The following LRRTM4 variants were observed in gnomAD, a reference collection of about 807,000 sequenced individuals.
The protein encoded by LRRTM4 is leucine rich repeat transmembrane neuronal 4, also known as leucine-rich repeat transmembrane neuronal protein 4.
LRRTM4 carries 25 observed loss-of-function variants against 47.6 expected under a neutral mutation model. That is an observed-to-expected ratio of 0.53 (90% CI 0.38 to 0.73). The LOEUF is 0.73. LRRTM4 is among the 30% of genes least tolerant of loss of function. LRRTM4 has a pLI of 0.00. For missense variants in LRRTM4, 638 were observed against 713.4 expected, an observed-to-expected ratio of 0.89 and a Z score of 1.20; for synonymous variants, 311 against 269.5, an observed-to-expected ratio of 1.15 and a Z score of -1.51.
In LRRTM4 at chr2:77,039,794, C is replaced by A. The variant is rs369129102; in HGVS notation, c.1552-290878G>T. Among the ~76,000 whole-genome samples, 9 of 150,480 alleles carry A rather than the reference C, an allele frequency of 6.0e-5. No homozygotes were observed. In the South Asian group the frequency reaches 1.7e-3, roughly 28 times the overall value. The stretch of plus-strand genomic sequence containing the variant: ...TTTTGTCTTTTTCTTTATATAAAAC[C>A]AAAAATGATTAACAAAATAATTAGG... On this transcript the variant is annotated intron_variant, in intron 3 of 3. Transcript: ENST00000409884.
At chr2:77,135,738 C>T (rs148141821) in intron 3 of LRRTM4, among the ~76,000 whole-genome samples, 15 of 152,146 alleles carry the variant, frequency 9.9e-5, no homozygotes, top group African/African-American at 2.6e-4. Flanking sequence ...TATTTTGAAA[C>T]ATTGACTTTG....
chr2:76,983,028 G>A (rs1164919183), intron 3 of LRRTM4, among the ~76,000 whole-genome samples: 2 of 151,362 alleles, frequency 1.3e-5, no homozygotes, highest in Admixed American at 6.7e-5. Context: ...ATTAAATAAA[G>A]ACACATATTA....
chr2:76,915,792 TATAAG>T (rs1392590489), intron 3 of LRRTM4, among the ~76,000 whole-genome samples: 2 of 152,154 alleles, frequency 1.3e-5, no homozygotes, highest in African/African-American at 4.8e-5. Context: ...TTTAAATAGT[TATAAG>T]AAAGTGAAGA....
At chr2:77,086,080 A>T (rs1680701134) in intron 3 of LRRTM4, among the ~76,000 whole-genome samples, 1 of 152,192 alleles carries the variant, frequency 6.6e-6, no homozygotes, top group African/African-American at 2.4e-5. Flanking sequence ...TTGTTAAGTA[A>T]TTCAGAATTT....
chr2:77,487,153 G>A (rs1275060773), intron 3 of LRRTM4, among the ~76,000 whole-genome samples: 6 of 152,218 alleles, frequency 3.9e-5, no homozygotes, highest in Non-Finnish European at 8.8e-5. Context: ...CAGAGCCAAT[G>A]GGAGCCAGGA....
chr2:76,980,538 T>C (rs928018271), intron 3 of LRRTM4, among the ~76,000 whole-genome samples: 16 of 152,184 alleles, frequency 1.1e-4, no homozygotes, highest in Non-Finnish European at 1.3e-4. Flanking sequence ...CAGATCACTA[T>C]GGAAAGAAGC....
At chr2:77,111,035 G>T (rs933670328) in intron 3 of LRRTM4, among the ~76,000 whole-genome samples, 1 of 152,136 alleles carries the variant, frequency 6.6e-6, no homozygotes, top group Non-Finnish European at 1.5e-5. Flanking sequence ...TTTAAACAAG[G>T]AATTGAGAAG....
At chr2:77,513,852 C>T (rs1317943611) in intron 3 of LRRTM4, among the ~76,000 whole-genome samples, 2 of 152,036 alleles carry the variant, frequency 1.3e-5, no homozygotes, top group African/African-American at 4.8e-5. Context: ...AGGCATGAGC[C>T]ACTGCACCTG....
At chr2:76,869,369 G>A (rs1672558983) in intron 3 of LRRTM4, among the ~76,000 whole-genome samples, 1 of 152,028 alleles carries the variant, frequency 6.6e-6, no homozygotes, top group Non-Finnish European at 1.5e-5. Flanking sequence ...AAGAGGCTGA[G>A]CCTCTTCTTT....
At chr2:76,975,176 C>T (rs1371726464) in intron 3 of LRRTM4, among the ~76,000 whole-genome samples, 1 of 151,554 alleles carries the variant, frequency 6.6e-6, no homozygotes, top group African/African-American at 2.4e-5. Flanking sequence ...CTAGGAAAAC[C>T]CATAATTTGT....
intron 3 of LRRTM4, among the ~76,000 whole-genome samples, chr2:76,890,737 A>G (rs939445468): frequency 6.6e-6 from 1 of 152,012 alleles, no homozygotes; most frequent in Non-Finnish European, 1.5e-5. Flanking sequence ...ATAACTGACA[A>G]CATCTACACC....
intron 3 of LRRTM4, among the ~76,000 whole-genome samples, chr2:77,200,781 G>T (rs979148979): frequency 5.9e-5 from 9 of 152,040 alleles, no homozygotes; most frequent in African/African-American, 2.2e-4. Context: ...CAGAAAAACT[G>T]ACATAATTTA....
chr2:77,344,719 G>A (rs1054809623), intron 3 of LRRTM4, among the ~76,000 whole-genome samples: 2 of 151,588 alleles, frequency 1.3e-5, no homozygotes, highest in Admixed American at 1.3e-4. Flanking sequence ...TAGGATAAAA[G>A]CAAATAAGTC....
chr2:76,916,384 C>CAAAAAAAAAAAAAAAAA lies in LRRTM4; in HGVS notation c.1552-167485_1552-167469dup, dbSNP rs57874749. Among the ~76,000 whole-genome samples, 71 of 53,372 alleles carry CAAAAAAAAAAAAAAAAA rather than the reference C, an allele frequency of 1.3e-3. 1 individual carries two copies. Among genetic ancestry groups the CAAAAAAAAAAAAAAAAA allele is most frequent in the African/African-American group, 1.9e-3 (24 of 12,548 alleles). 35.0% of individuals were successfully genotyped at this position (53,372 alleles called of 152,430 possible). ...TGGGCGACAGAGCGAGACTGTGTCT[C>CAAAAAAAAAAAAAAAAA]AAAAAAAAAAAAAAAAAAAAAAAGA... On this transcript the variant is annotated intron_variant, in intron 3 of 3. Coordinates refer to ENST00000409884, the MANE Select transcript of LRRTM4 (RefSeq NM_001134745.3).
intron 3 of LRRTM4, among the ~76,000 whole-genome samples, chr2:77,283,550 G>A (rs1452103467): frequency 6.6e-6 from 1 of 151,998 alleles, no homozygotes; most frequent in Non-Finnish European, 1.5e-5. Flanking sequence ...ATTCACAATA[G>A]CAAAGTCATG....
intron 3 of LRRTM4, among the ~76,000 whole-genome samples, chr2:76,911,338 A>G (rs904880003): frequency 1.3e-5 from 2 of 152,220 alleles, no homozygotes; most frequent in African/African-American, 4.8e-5. Context: ...TAAGTTCACT[A>G]AGGATTTCTT....
intron 3 of LRRTM4, among the ~76,000 whole-genome samples, chr2:77,234,239 C>T (rs1414675040): frequency 2.6e-5 from 4 of 152,246 alleles, no homozygotes; most frequent in Non-Finnish European, 2.9e-5. Context: ...TTTAACCACC[C>T]TCATTATTTT....
chr2:77,305,288 G>A (rs983074814), intron 3 of LRRTM4, among the ~76,000 whole-genome samples: 6 of 151,484 alleles, frequency 4.0e-5, no homozygotes, highest in South Asian at 2.1e-4. Flanking sequence ...AATCCTATAC[G>A]CTGTAATTTT....
chr2:77,488,056 C>T (rs919591504), intron 3 of LRRTM4, among the ~76,000 whole-genome samples: 1 of 152,138 alleles, frequency 6.6e-6, no homozygotes, highest in Non-Finnish European at 1.5e-5. Context: ...TGAAACAGAC[C>T]CCTAGCTTGC....
Sources: gnomAD v4.1 joint callset for allele counts (sites outside exome capture counted in the v4.1 genomes callset) on GRCh38, gnomAD v4.1.1 for gene constraint, MANE v1.5 for transcripts, NCBI Gene and HGNC (gene_info 2026-07-23, HGNC 2026-07-21) for gene names.